WDR27: variants seen among roughly 807,000 people sequenced by gnomAD.
The protein encoded by WDR27 is WD repeat domain 27, also known as WD repeat-containing protein 27.
In WDR27, 100 loss-of-function variants were observed where a neutral mutation model predicts 114.4. That is an observed-to-expected ratio of 0.87 (90% CI 0.74 to 1.03). The LOEUF (loss-of-function observed/expected upper bound fraction) is 1.03, where lower values mean the gene tolerates loss of function less well. Ranked by LOEUF, WDR27 falls within the 50% of genes least tolerant of loss-of-function variation. The pLI, the probability that WDR27 is intolerant of heterozygous loss-of-function variation, is 0.00. For synonymous variants in WDR27, 449 were observed against 423.1 expected, an observed-to-expected ratio of 1.06 and a Z score of -0.75; for missense variants, 1,129 against 1,092.9, an observed-to-expected ratio of 1.03 and a Z score of -0.47.
At chr6:169,495,900 A>C (rs7776331) in intron 25 of WDR27, among the ~76,000 whole-genome samples, 53,018 of 151,922 alleles carry the variant, frequency 0.35, 10,158 homozygotes, top group African/African-American at 0.51. Context: ...GGAAAAAAAA[A>C]CACTTCTTAC....
intron 21 of WDR27, among the ~76,000 whole-genome samples, chr6:169,616,818 A>G (rs2128190669): frequency 6.6e-6 from 1 of 152,324 alleles, no homozygotes; most frequent in Admixed American, 6.5e-5. Flanking sequence ...CCATAAAATT[A>G]GAAACCAACA....
At chr6:169,465,517 ATAT>A (rs142514775) in intron 25 of WDR27, among the ~76,000 whole-genome samples, 127 of 152,340 alleles carry the variant, frequency 8.3e-4, no homozygotes, top group African/African-American at 3.0e-3. Flanking sequence ...CAAAATTATC[ATAT>A]TATCCAGCAA....
the WDR27 span, among the ~76,000 whole-genome samples, chr6:169,441,901 C>G: frequency 6.7e-6 from 1 of 148,668 alleles, no homozygotes; most frequent in African/African-American, 2.5e-5. Context: ...TGACAATACT[C>G]ATATGCCACC....
Position 169,613,696 on chromosome 6 carries a change from G to T in WDR27, c.2224-40C>A, listed in dbSNP as rs566576795. 2.6e-6 allele frequency: 4 copies of T among 1,543,888 alleles called. No homozygotes were observed. In the African/African-American group the frequency reaches 4.1e-5, roughly 16 times the overall value. ...GGGAAATCAAGATGTACTTTCAAAG[G>T]TTGAGTTAATAAGCGTTATGCTAAT... On this transcript the variant is annotated intron_variant, in intron 21 of 25. Coordinates refer to ENST00000448612, the MANE Select transcript of WDR27 (RefSeq NM_182552.5).
chr6:169,554,259 C>T (rs562897920), intron 25 of WDR27, among the ~76,000 whole-genome samples: 4 of 152,288 alleles, frequency 2.6e-5, no homozygotes, highest in East Asian at 1.9e-4. Flanking sequence ...AAGGACTCAG[C>T]GGCTGGGTGG....
intron 21 of WDR27, among the ~76,000 whole-genome samples, chr6:169,630,904 A>ATCAG (rs1364057894): frequency 1.3e-5 from 2 of 151,634 alleles, no homozygotes; most frequent in Non-Finnish European, 1.5e-5. Context: ...AAATCAATCA[A>ATCAG]TCAATCAATA....
chr6:169,432,733 G>C, the WDR27 span, among the ~76,000 whole-genome samples: 1 of 152,046 alleles, frequency 6.6e-6, no homozygotes, highest in Non-Finnish European at 1.5e-5. Flanking sequence ...TGTGAAAATC[G>C]ACTAATACAG....
intron 25 of WDR27, among the ~76,000 whole-genome samples, chr6:169,542,858 ATAAAG>A (rs1239333775): frequency 2.0e-5 from 3 of 152,220 alleles, no homozygotes; most frequent in East Asian, 1.9e-4. Flanking sequence ...CATATTTTAA[ATAAAG>A]TAATTTAATT....
intron 1 of WDR27, among the ~76,000 whole-genome samples, chr6:169,698,919 C>T (rs1467184226): frequency 6.6e-6 from 1 of 152,188 alleles, no homozygotes; most frequent in African/African-American, 2.4e-5. Flanking sequence ...GTCAGCCTAC[C>T]TTGACTGATG....
At chr6:169,504,027 A>T (rs1413177954) in intron 25 of WDR27, among the ~76,000 whole-genome samples, 1 of 152,158 alleles carries the variant, frequency 6.6e-6, no homozygotes, top group African/African-American at 2.4e-5. Context: ...CTGATGTGTA[A>T]AATTTACTTT....
intron 24 of WDR27, among the ~76,000 whole-genome samples, chr6:169,580,231 A>G (rs2128137802): frequency 6.6e-6 from 1 of 152,364 alleles, no homozygotes; most frequent in South Asian, 2.1e-4. Flanking sequence ...ACCCTCATAT[A>G]CCGCTAAATG....
At chr6:169,547,449 C>T (rs1797598285) in intron 25 of WDR27, among the ~76,000 whole-genome samples, 1 of 152,092 alleles carries the variant, frequency 6.6e-6, no homozygotes. Context: ...AAGTTGAATC[C>T]AACAATGTAC....
chr6:169,464,694 G>C (rs1228129007), intron 25 of WDR27, among the ~76,000 whole-genome samples: 1 of 152,184 alleles, frequency 6.6e-6, no homozygotes, highest in Non-Finnish European at 1.5e-5. Flanking sequence ...GTCTGACAAA[G>C]AATTAATATC....
the WDR27 span, among the ~76,000 whole-genome samples, chr6:169,434,978 G>T: frequency 1.3e-5 from 2 of 152,200 alleles, no homozygotes; most frequent in African/African-American, 4.8e-5. Flanking sequence ...GTAAAAAATG[G>T]TTTCATGGGC....
intron 12 of WDR27, among the ~76,000 whole-genome samples, chr6:169,658,746 C>T (rs1039186371): frequency 3.3e-5 from 5 of 150,916 alleles, no homozygotes; most frequent in Admixed American, 6.6e-5. Context: ...TGCAGTGGCG[C>T]GATCTCAGCT....
rs563078942 is a variant in WDR27 at position 169,684,782 on chromosome 6, C to T, written c.189+4035G>A. ...GCATGCCCGCAGCCAGCTGAGCAGC[C>T]TTGTGCCTACGTCCAATGCTGGAGA... On this transcript the variant is annotated intron_variant, in intron 2 of 25. Transcript: ENST00000448612. This position sits in a 1 kb window ranked among gnomAD's most constrained non-coding sequence, Gnocchi z 4.3. Among the ~76,000 whole-genome samples the T allele has an allele frequency of 1.4e-4, 22 of 152,348 alleles. No homozygotes were observed. The highest frequency in any genetic ancestry group is 1.0e-3 in the Admixed American group (16 of 15,300).
intron 24 of WDR27, among the ~76,000 whole-genome samples, chr6:169,577,423 T>C (rs1802570869): frequency 6.6e-6 from 1 of 150,890 alleles, no homozygotes; most frequent in Non-Finnish European, 1.5e-5. Flanking sequence ...TTGGCGGGTA[T>C]GGCTGCGTCG....
chr6:169,623,915 C>T lies in WDR27; in HGVS notation c.2223+9032G>A, dbSNP rs190213092. Among the ~76,000 whole-genome samples the T allele has an allele frequency of 3.7e-3, 569 of 152,204 alleles. 4 individuals are homozygous for T. The highest frequency in any genetic ancestry group is 0.013 in the African/African-American group (546 of 41,510). On this transcript the variant is annotated intron_variant, in intron 21 of 25. Coordinates refer to ENST00000448612, the MANE Select transcript of WDR27 (RefSeq NM_182552.5). ...GTAAATGAGCCTAGGAGTGACACAG[C>T]CTGAGCAAAAAGAAGGTAGACACAA...
chr6:169,664,450 C>T, intron 7 of WDR27, 164 bp from the exon 8 acceptor site: 1 of 1,485,784 alleles, frequency 6.7e-7, no homozygotes, highest in Non-Finnish European at 8.9e-7. Flanking sequence ...AACATCCCCT[C>T]TGGAGGCCCT....
Sources: allele counts gnomAD v4.1 joint callset (sites outside exome capture counted in the v4.1 genomes callset), GRCh38; gene constraint gnomAD v4.1.1; non-coding constraint Gnocchi (gnomAD v3.1); transcripts MANE v1.5; gene names NCBI Gene and HGNC (gene_info 2026-07-23, HGNC 2026-07-21).